UBE4B: variants seen among roughly 807,000 people sequenced by gnomAD.
UBE4B encodes the protein ubiquitin conjugation factor E4 B.
UBE4B carries 27 observed loss-of-function variants against 148.1 expected under a neutral mutation model. The ratio of observed to expected loss-of-function variants is 0.18; its 90% CI spans 0.13 to 0.25. The LOEUF (loss-of-function observed/expected upper bound fraction) is 0.25, where lower values mean the gene tolerates loss of function less well. Ranked by LOEUF, UBE4B falls within the 10% of genes least tolerant of loss-of-function variation. The pLI is 1.00. For missense variants in UBE4B, 1,170 were observed against 1,662.4 expected (o/e 0.70, Z 5.15); for synonymous variants, 596 against 619.3 (o/e 0.96, Z 0.56).
At chr1:10,035,757 T>A (rs1017545989) in intron 1 of UBE4B, among the ~76,000 whole-genome samples, 3 of 149,994 alleles carry the variant, frequency 2.0e-5, no homozygotes, top group South Asian at 2.1e-4. Flanking sequence ...ATTTTATTTT[T>A]TTTGAGACGG....
At chr1:10,039,691 C>T (rs1261774426) in intron 1 of UBE4B, among the ~76,000 whole-genome samples, 1 of 151,862 alleles carries the variant, frequency 6.6e-6, no homozygotes, top group Non-Finnish European at 1.5e-5. Flanking sequence ...CCACCTGCCT[C>T]TGCCTGCCAA....
At position 10,158,464 on chromosome 1, in the gene UBE4B, C is replaced by G; in HGVS notation, c.3035C>G (p.Thr1012Ser). The G allele has an allele frequency of 6.2e-7, 1 of 1,613,940 alleles. No individual in the cohort carries two copies. Among genetic ancestry groups the G allele is most frequent in the East Asian group, 2.2e-5 (1 of 44,888 alleles). Reference sequence around the variant, plus strand: ...TGGCAAAACATAGCTCACCATGGCACCTTTATGGAGGAGTTCAAGTGAGTA... The same window carrying G: ...TGGCAAAACATAGCTCACCATGGCAGCTTTATGGAGGAGTTCAAGTGAGTA... Reference protein sequence around the residue: ...SLWQNIAHHGTFMEEFNSGKQ... With the variant: ...SLWQNIAHHGSFMEEFNSGKQ... The change falls in exon 22 of 28, where the codon ACC becomes AGC. Residue 1012 changes from threonine to serine, a missense_variant. Transcript: ENST00000343090.
chr1:10,089,294 C>T (rs956955405), intron 2 of UBE4B, among the ~76,000 whole-genome samples: 3 of 152,154 alleles, frequency 2.0e-5, no homozygotes, highest in Non-Finnish European at 2.9e-5. Context: ...CATGAGCCAC[C>T]GTGCTCAGCC....
intron 1 of UBE4B, among the ~76,000 whole-genome samples, chr1:10,041,507 G>C (rs1289233758): frequency 6.6e-6 from 1 of 151,528 alleles, no homozygotes; most frequent in African/African-American, 2.4e-5. Context: ...GCTAATTTTT[G>C]TATTTTTAGT....
chr1:10,151,158 G>C lies in UBE4B; in HGVS notation c.2691-168G>C, dbSNP rs545631509. On this transcript the variant is annotated intron_variant, in intron 20 of 27. Coordinates refer to ENST00000343090, the MANE Select transcript of UBE4B (RefSeq NM_001105562.3). ...AGCCTGGGCGACAGAGCGAGACTCT[G>C]TCTCAAAAAAAAAAAAAAGTCACTG... is the stretch of plus-strand genomic sequence containing the variant. 4.1e-5 allele frequency among the ~76,000 whole-genome samples: 6 copies of C among 146,726 alleles called. No homozygotes were observed. The South Asian group carries it at 1.3e-3, about 31-fold the overall frequency.
chr1:10,090,788 T>TGCA (rs1458601652), intron 2 of UBE4B, among the ~76,000 whole-genome samples: 1 of 141,444 alleles, frequency 7.1e-6, no homozygotes, highest in Non-Finnish European at 1.5e-5. Context: ...TAGAAGCCTA[T>TGCA]GCATTTGTGT....
rs556414026 is a variant in UBE4B at position 10,043,971 on chromosome 1, G to A, written c.24+10277G>A. On this transcript the variant is annotated intron_variant, in intron 1 of 27. Transcript: ENST00000343090. ...GAGAGGAATGGAAACAGGAGGTGGGGTGTCCATTTGCTGTTTCTAAAGAAA... is the reference window on the plus strand; with the variant it reads ...GAGAGGAATGGAAACAGGAGGTGGGATGTCCATTTGCTGTTTCTAAAGAAA... 6.6e-5 allele frequency among the ~76,000 whole-genome samples: 10 copies of A among 152,328 alleles called. No homozygotes were observed. In the East Asian group the frequency reaches 1.3e-3, roughly 21 times the overall value.
At chr1:10,088,524 C>T (rs181837118) in intron 2 of UBE4B, among the ~76,000 whole-genome samples, 107 of 151,666 alleles carry the variant, frequency 7.1e-4, no homozygotes, top group African/African-American at 2.3e-3. Flanking sequence ...CACAGGTGCC[C>T]GCCACCATGC....
chr1:10,061,271 T>C (rs923757907), intron 1 of UBE4B, among the ~76,000 whole-genome samples: 2 of 152,146 alleles, frequency 1.3e-5, no homozygotes, highest in African/African-American at 4.8e-5. Context: ...TGTTTGTTTT[T>C]TTGTGAGACA....
At chr1:10,110,312 G>T (rs965329761) in intron 7 of UBE4B, among the ~76,000 whole-genome samples, 1 of 152,176 alleles carries the variant, frequency 6.6e-6, no homozygotes, top group Non-Finnish European at 1.5e-5. Context: ...GTAATGTTTT[G>T]CAGACTTCTG....
intron 18 of UBE4B, chr1:10,145,441 C>CA (rs1031347381): frequency 5.5e-4 from 83 of 151,782 alleles, no homozygotes; most frequent in African/African-American, 1.8e-3. Flanking sequence ...ACTAAAAATA[C>CA]AAAAAAAAAT....
At chr1:10,149,098 A>G in intron 19 of UBE4B, 86 bp from the exon 20 acceptor site, 3 of 942,056 alleles carry the variant, frequency 3.2e-6, no homozygotes, top group Non-Finnish European at 3.2e-6. Context: ...CAAATGAAAT[A>G]CTTATCCGAT....
chr1:10,139,915 A>G (rs1000632432), intron 17 of UBE4B, among the ~76,000 whole-genome samples: 12 of 152,100 alleles, frequency 7.9e-5, no homozygotes, highest in African/African-American at 2.9e-4. Flanking sequence ...TTTAGTAGAG[A>G]CAGGGTTTCT....
At chr1:10,043,687 C>G (rs1643862076) in intron 1 of UBE4B, among the ~76,000 whole-genome samples, 1 of 152,126 alleles carries the variant, frequency 6.6e-6, no homozygotes, top group African/African-American at 2.4e-5. Flanking sequence ...CTCAGCCTCC[C>G]AAAGTGCTGG....
rs560931627 is a variant in UBE4B, at chr1:10,170,930, C to A, written c.3334-208C>A. On this transcript the variant is annotated intron_variant, in intron 24 of 27. Coordinates refer to ENST00000343090, the MANE Select transcript of UBE4B (RefSeq NM_001105562.3). ...AAATATTTCATCAGCCTGCAACATT[C>A]CATTAAGTATTAGAATTATCAGATC... 3 of 425,164 alleles carry A rather than the reference C, an allele frequency of 7.1e-6. No individual in the cohort carries two copies. The South Asian group carries it at 2.5e-4, about 35-fold the overall frequency. 26.3% of individuals were successfully genotyped at this position (425,164 alleles called of 1,614,324 possible). A position where few individuals can be genotyped will look rare whatever the true frequency, so the allele number is the denominator to read the frequency against.
chr1:10,037,318 T>C (rs1391076164), intron 1 of UBE4B, among the ~76,000 whole-genome samples: 2 of 152,118 alleles, frequency 1.3e-5, no homozygotes, highest in Non-Finnish European at 2.9e-5. Context: ...TGAGCCACTG[T>C]GCCCGGTAGT....
At chr1:10,114,175 TA>T (rs1645268626) in intron 7 of UBE4B, among the ~76,000 whole-genome samples, 1 of 152,222 alleles carries the variant, frequency 6.6e-6, no homozygotes, top group Non-Finnish European at 1.5e-5. Context: ...ATTTTCATTT[TA>T]AACATGAAGA....
chr1:10,160,791 A>G (rs1646147267), intron 22 of UBE4B, among the ~76,000 whole-genome samples: 1 of 152,144 alleles, frequency 6.6e-6, no homozygotes. Context: ...TACAAAAAAT[A>G]CAAAAGCTGG....
At chr1:10,082,512 C>T (rs1005274438) in intron 2 of UBE4B, among the ~76,000 whole-genome samples, 1 of 151,280 alleles carries the variant, frequency 6.6e-6, no homozygotes, top group Non-Finnish European at 1.5e-5. Flanking sequence ...AAAACAAAAA[C>T]AAACAAAACC....
Sources: gnomAD v4.1 joint callset for allele counts (sites outside exome capture counted in the v4.1 genomes callset) on GRCh38, gnomAD v4.1.1 for gene constraint, MANE v1.5 for transcripts, NCBI Gene and HGNC (gene_info 2026-07-23, HGNC 2026-07-21) for gene names.